Variants in SHANK2 observed in about 807,000 individuals in gnomAD.
SHANK2 encodes the protein SH3 and multiple ankyrin repeat domains 2.
SHANK2 carries 43 observed loss-of-function variants against 133.7 expected under a neutral mutation model. The ratio of observed to expected loss-of-function variants is 0.32; its 90% CI spans 0.25 to 0.41. The LOEUF is 0.41. SHANK2 is among the 10% of genes least tolerant of loss of function. SHANK2 has a pLI of 1.00. For missense variants in SHANK2, 1,994 were observed against 2,235.8 expected (o/e 0.89, Z 2.18); for synonymous variants, 1,017 against 952.8 (o/e 1.07, Z -1.24).
At chr11:70,602,468 T>G (rs2060513281) in intron 17 of SHANK2, among the ~76,000 whole-genome samples, 1 of 152,162 alleles carries the variant, frequency 6.6e-6, no homozygotes, top group Admixed American at 6.5e-5. Context: ...GTTCCTCTGT[T>G]TACAGCCCCC....
chr11:70,745,224 G>A (rs2076825), intron 14 of SHANK2, among the ~76,000 whole-genome samples: 51,562 of 152,160 alleles, frequency 0.34, 9,129 homozygotes, highest in Non-Finnish European at 0.37. Context: ...CTGCTACAAA[G>A]CGTTTCCCTC....
chr11:71,076,512 AAC>A lies in SHANK2; in HGVS notation c.913-1239_913-1238del, dbSNP rs1951222176. On this transcript the variant is annotated intron_variant, in intron 8 of 25. Coordinates refer to ENST00000601538, the MANE Select transcript of SHANK2 (RefSeq NM_012309.5). ...AACAAAACAAAACAAAAAAAAAACAAACAAAAACAAAAAACGAAAAACAAAAA... is the reference window on the plus strand; with the variant it reads ...AACAAAACAAAACAAAAAAAAAACAAAAAAACAAAAAACGAAAAACAAAAA... Among the ~76,000 whole-genome samples the A allele has an allele frequency of 2.0e-5, 3 of 151,700 alleles. No homozygotes were observed. The South Asian group carries it at 6.2e-4, about 32-fold the overall frequency.
chr11:70,586,930 C>A (rs2060262110), intron 17 of SHANK2, among the ~76,000 whole-genome samples: 1 of 152,186 alleles, frequency 6.6e-6, no homozygotes, highest in African/African-American at 2.4e-5. Flanking sequence ...CCTCCCCCAC[C>A]TCACTCCTCT....
At chr11:70,618,427 C>T (rs567013515) in intron 17 of SHANK2, among the ~76,000 whole-genome samples, 1 of 152,318 alleles carries the variant, frequency 6.6e-6, no homozygotes, top group African/African-American at 2.4e-5. Context: ...GAGTTAACCG[C>T]CATTTATGTC....
intron 14 of SHANK2, among the ~76,000 whole-genome samples, chr11:70,734,960 T>C (rs1396807324): frequency 1.3e-5 from 2 of 152,166 alleles, no homozygotes; most frequent in African/African-American, 4.8e-5. Flanking sequence ...AGGGGGATTC[T>C]GGGTTGCCCT....
intron 3 of SHANK2, among the ~76,000 whole-genome samples, chr11:71,140,023 A>G (rs2135377351): frequency 6.6e-6 from 1 of 152,162 alleles, no homozygotes; most frequent in East Asian, 1.9e-4. Context: ...CTCGGTGCAG[A>G]CTCACTCGGC....
At chr11:70,796,100 G>A (rs1947905089) in intron 14 of SHANK2, among the ~76,000 whole-genome samples, 1 of 152,180 alleles carries the variant, frequency 6.6e-6, no homozygotes. Context: ...TGCACAGGAT[G>A]TACATTTTCT....
intron 2 of SHANK2, among the ~76,000 whole-genome samples, chr11:71,167,997 T>TGCCGGGCGGAGGG (rs1953215526): frequency 1.7e-5 from 2 of 116,366 alleles, no homozygotes; most frequent in South Asian, 6.1e-4. Context: ...ACGGGGTGGC[T>TGCCGGGCGGAGGG]GCTGGGCGGA....
intron 11 of SHANK2, among the ~76,000 whole-genome samples, chr11:70,845,198 CAAAA>C (rs782471301): frequency 1.9e-5 from 1 of 51,694 alleles, no homozygotes; most frequent in Non-Finnish European, 3.8e-5. Context: ...GACTCTGTCT[CAAAA>C]AAAAAAAAAA....
chr11:71,138,790 C>CAAA (rs58396625), intron 3 of SHANK2, among the ~76,000 whole-genome samples: 8 of 82,930 alleles, frequency 9.6e-5, no homozygotes, highest in African/African-American at 3.0e-4. Context: ...GACCCTATCT[C>CAAA]AAAAAAAAAA....
chr11:70,724,665 G>A (rs1946142583), intron 14 of SHANK2, among the ~76,000 whole-genome samples: 2 of 152,218 alleles, frequency 1.3e-5, no homozygotes, highest in African/African-American at 4.8e-5. Flanking sequence ...GTGGTGACCA[G>A]GTGACTGCCG....
At chr11:70,726,823 C>A (rs1159471317) in intron 14 of SHANK2, among the ~76,000 whole-genome samples, 1 of 152,226 alleles carries the variant, frequency 6.6e-6, no homozygotes, top group Non-Finnish European at 1.5e-5. Flanking sequence ...TGAGTCTAGA[C>A]TCCAAAAGGC....
chr11:71,133,237 AATGG>A (rs533210236), intron 3 of SHANK2, among the ~76,000 whole-genome samples: 6,550 of 109,014 alleles, frequency 0.06, 199 homozygotes, highest in Middle Eastern at 0.13. Context: ...TGCACAGATG[AATGG>A]ATGGATGGAT....
chr11:70,843,533 A>C (rs1948947544), intron 11 of SHANK2, among the ~76,000 whole-genome samples: 1 of 151,986 alleles, frequency 6.6e-6, no homozygotes, highest in Admixed American at 6.6e-5. Context: ...GCCCAAATCC[A>C]TTCTCATTGA....
chr11:70,551,976 G>C (rs1218392673), intron 17 of SHANK2, among the ~76,000 whole-genome samples: 2 of 152,228 alleles, frequency 1.3e-5, no homozygotes, highest in East Asian at 3.9e-4. Flanking sequence ...GGGAGCCCGT[G>C]GGGGTGTGAG....
intron 25 of SHANK2, among the ~76,000 whole-genome samples, chr11:70,484,127 A>G (rs1004190507): frequency 3.9e-5 from 6 of 152,236 alleles, no homozygotes; most frequent in African/African-American, 1.4e-4. Flanking sequence ...GGTGCACACC[A>G]CAGGGAAGGA....
chr11:71,132,077 G>A (rs1339420038), intron 3 of SHANK2, among the ~76,000 whole-genome samples: 5 of 152,198 alleles, frequency 3.3e-5, no homozygotes, highest in Admixed American at 1.3e-4. Flanking sequence ...GATTAGCGAC[G>A]AGGCCACAGA....
chr11:70,790,062 C>A (rs1451597693), intron 14 of SHANK2, among the ~76,000 whole-genome samples: 1 of 152,262 alleles, frequency 6.6e-6, no homozygotes, highest in Non-Finnish European at 1.5e-5. Context: ...TAAACTGCCT[C>A]ATCCATGGGT....
At chr11:71,118,416 T>C (rs1952020907) in intron 4 of SHANK2, among the ~76,000 whole-genome samples, 1 of 152,152 alleles carries the variant, frequency 6.6e-6, no homozygotes, top group African/African-American at 2.4e-5. Context: ...ATTACAGTCA[T>C]GGTGGAAGGC....
Sources: allele counts gnomAD v4.1 joint callset (sites outside exome capture counted in the v4.1 genomes callset), GRCh38; gene constraint gnomAD v4.1.1; transcripts MANE v1.5; gene names NCBI Gene and HGNC (gene_info 2026-07-23, HGNC 2026-07-21).